JAKMIP2: variants seen among roughly 807,000 people sequenced by gnomAD.
JAKMIP2 encodes janus kinase and microtubule-interacting protein 2.
In JAKMIP2, 25 loss-of-function variants were observed where a neutral mutation model predicts 115.0. The observed-to-expected ratio is 0.22, with a 90% confidence interval of 0.16 to 0.30. The LOEUF is 0.30. Among genes scored for constraint, JAKMIP2 ranks in the 10% least tolerant of loss-of-function variants. The pLI, the probability that JAKMIP2 is intolerant of heterozygous loss-of-function variation, is 1.00. For missense variants in JAKMIP2, 642 were observed against 957.6 expected, an observed-to-expected ratio of 0.67 and a Z score of 4.35; for synonymous variants, 334 against 343.6, an observed-to-expected ratio of 0.97 and a Z score of 0.31.
chr5:147,658,029 A>G lies in JAKMIP2; in HGVS notation c.627+2919T>C, dbSNP rs115199981. ...TGTCAACTTGTCCATCTCATCCTCCATCCAGTTCTGTGCCCTTGCTGGACA... is the reference window on the plus strand; with the variant it reads ...TGTCAACTTGTCCATCTCATCCTCCGTCCAGTTCTGTGCCCTTGCTGGACA... On this transcript the variant is annotated intron_variant, in intron 3 of 21. Transcript: ENST00000616793. 3.5e-3 allele frequency among the ~76,000 whole-genome samples: 533 copies of G among 152,002 alleles called. 2 individuals are homozygous for G. Among genetic ancestry groups the G allele is most frequent in the Non-Finnish European group, 5.4e-3 (366 of 67,980 alleles).
rs1362068596 is a variant in JAKMIP2, at chr5:147,702,596, GA to G, written c.-148-30643del. ...AGAAAGAAGGAAAGAAAGAAAGAAAGAAAGAAGGAAAGAAAGAAAGAAAGAA... is the reference window on the plus strand; with the variant it reads ...AGAAAGAAGGAAAGAAAGAAAGAAAGAAGAAGGAAAGAAAGAAAGAAAGAA... On this transcript the variant is annotated intron_variant, in intron 1 of 21. Coordinates refer to ENST00000616793, the MANE Select transcript of JAKMIP2 (RefSeq NM_001270941.2). Among the ~76,000 whole-genome samples the G allele has an allele frequency of 3.5e-3, 381 of 108,088 alleles. 2 individuals are homozygous for G. Among genetic ancestry groups the G allele is most frequent in the South Asian group, 0.011 (34 of 3,100 alleles). 70.9% of individuals were successfully genotyped at this position (108,088 alleles called of 152,430 possible).
intron 1 of JAKMIP2, among the ~76,000 whole-genome samples, chr5:147,745,234 G>A (rs1754310873): frequency 6.6e-6 from 1 of 152,134 alleles, no homozygotes; most frequent in Non-Finnish European, 1.5e-5. Context: ...TCTGAGAACA[G>A]CATGTCAGCA....
At chr5:147,757,082 A>C (rs372768510) in intron 1 of JAKMIP2, among the ~76,000 whole-genome samples, 53 of 152,284 alleles carry the variant, frequency 3.5e-4, no homozygotes, top group African/African-American at 1.2e-3. Flanking sequence ...GTATGCATGC[A>C]TGGAGGCATA....
chr5:147,691,435 C>T (rs1393320009), intron 1 of JAKMIP2, among the ~76,000 whole-genome samples: 1 of 152,020 alleles, frequency 6.6e-6, no homozygotes, highest in Non-Finnish European at 1.5e-5. Context: ...TTTCATCTTC[C>T]CTATTCCAAG....
intron 16 of JAKMIP2, among the ~76,000 whole-genome samples, chr5:147,625,757 T>C (rs1757066241): frequency 2.0e-5 from 3 of 152,110 alleles, no homozygotes; most frequent in Non-Finnish European, 2.9e-5. Flanking sequence ...ATAAAAACAA[T>C]GGTACCCCAA....
intron 21 of JAKMIP2, chr5:147,595,277 C>T: frequency 3.6e-6 from 1 of 275,906 alleles, no homozygotes; most frequent in African/African-American, 2.2e-5. Flanking sequence ...AAGTTAATCC[C>T]CAGTGCAAGA....
At chr5:147,696,436 T>C (rs1052229341) in intron 1 of JAKMIP2, among the ~76,000 whole-genome samples, 1 of 152,198 alleles carries the variant, frequency 6.6e-6, no homozygotes, top group Non-Finnish European at 1.5e-5. Flanking sequence ...GGATGTGTTT[T>C]CTTCTCCTTC....
chr5:147,632,857 T>C, intron 12 of JAKMIP2, 79 bp from the exon 13 acceptor site: 2 of 836,068 alleles, frequency 2.4e-6, no homozygotes, highest in Non-Finnish European at 2.0e-6. Context: ...AGTGTTCAGT[T>C]TACTCAGTGA....
intron 1 of JAKMIP2, among the ~76,000 whole-genome samples, chr5:147,742,155 A>ATATATATATAT: frequency 2.8e-5 from 3 of 108,882 alleles, no homozygotes; most frequent in African/African-American, 1.1e-4. Context: ...ATATATATAT[A>ATATATATATAT]TTTTTTTTAC....
At chr5:147,751,455 G>A (rs539187742) in intron 1 of JAKMIP2, among the ~76,000 whole-genome samples, 1 of 152,130 alleles carries the variant, frequency 6.6e-6, no homozygotes, top group African/African-American at 2.4e-5. Flanking sequence ...TGGTGTGTTT[G>A]GGAGATGTAG....
intron 2 of JAKMIP2, among the ~76,000 whole-genome samples, chr5:147,664,230 C>T (rs2126789396): frequency 6.6e-6 from 1 of 152,220 alleles, no homozygotes; most frequent in East Asian, 1.9e-4. Context: ...ATTTGGTGAA[C>T]CTAGCTTTTC....
At chr5:147,718,408 T>C (rs1753106817) in intron 1 of JAKMIP2, among the ~76,000 whole-genome samples, 1 of 151,964 alleles carries the variant, frequency 6.6e-6, no homozygotes, top group African/African-American at 2.4e-5. Flanking sequence ...ATTAGAATAG[T>C]TTCAGAAGGA....
chr5:147,678,158 C>T (rs905174855), intron 1 of JAKMIP2, among the ~76,000 whole-genome samples: 1 of 152,134 alleles, frequency 6.6e-6, no homozygotes, highest in African/African-American at 2.4e-5. Flanking sequence ...CATGCGCCAC[C>T]ACTCTCGGCT....
At chr5:147,744,015 C>T (rs1162787919) in intron 1 of JAKMIP2, among the ~76,000 whole-genome samples, 1 of 136,510 alleles carries the variant, frequency 7.3e-6, no homozygotes, top group African/African-American at 3.1e-5. Context: ...TCCTTCCTTC[C>T]TTCCTTCCTT....
chr5:147,613,175 A>G (rs1038740096), intron 19 of JAKMIP2, among the ~76,000 whole-genome samples: 2 of 152,222 alleles, frequency 1.3e-5, no homozygotes, highest in East Asian at 1.9e-4. Context: ...CATAACAACT[A>G]TTTACAAGTA....
At chr5:147,777,629 A>T (rs541157945) in intron 1 of JAKMIP2, among the ~76,000 whole-genome samples, 1 of 152,094 alleles carries the variant, frequency 6.6e-6, no homozygotes, top group South Asian at 2.1e-4. Flanking sequence ...TTTTAAATAT[A>T]AAAAAAACTT....
At chr5:147,738,672 T>A (rs1377064878) in intron 1 of JAKMIP2, among the ~76,000 whole-genome samples, 1 of 152,130 alleles carries the variant, frequency 6.6e-6, no homozygotes, top group Non-Finnish European at 1.5e-5. Context: ...AATCAATTTA[T>A]AATTTATCAA....
chr5:147,587,713 T>C lies in JAKMIP2; in HGVS notation c.*3994A>G, dbSNP rs954216804. On this transcript the variant is annotated 3_prime_UTR_variant, in exon 22 of 22. Coordinates refer to ENST00000616793, the MANE Select transcript of JAKMIP2 (RefSeq NM_001270941.2). ...ATTACACAATGGGTTTACAGGAAAA[T>C]TTGACAGTCAATGGGCAAAAAGGAA... 2 of 152,034 alleles carry C rather than the reference T, an allele frequency of 1.3e-5. No homozygotes were observed. Among genetic ancestry groups the C allele is most frequent in the Admixed American group, 1.3e-4 (2 of 15,254 alleles). 9.4% of individuals were successfully genotyped at this position (152,034 alleles called of 1,614,324 possible).
intron 21 of JAKMIP2, chr5:147,594,508 T>C: frequency 4.6e-6 from 2 of 438,466 alleles, no homozygotes; most frequent in Non-Finnish European, 4.7e-6. Context: ...CTAGTTTTTG[T>C]ACTTTTGTAG....
Sources: gnomAD v4.1 joint callset for allele counts (sites outside exome capture counted in the v4.1 genomes callset) on GRCh38, gnomAD v4.1.1 for gene constraint, MANE v1.5 for transcripts, NCBI Gene and HGNC (gene_info 2026-07-23, HGNC 2026-07-21) for gene names.